Variants in TBC1D9 observed in about 807,000 individuals in gnomAD.
TBC1D9 encodes the protein TBC1 domain family member 9A.
TBC1D9 carries 63 observed loss-of-function variants against 132.0 expected under a neutral mutation model. The observed-to-expected ratio is 0.48, with a 90% CI of 0.39 to 0.59. The LOEUF (loss-of-function observed/expected upper bound fraction) is 0.59. Ranked by LOEUF, TBC1D9 falls within the 20% of genes least tolerant of loss-of-function variation. TBC1D9 has a pLI of 0.00. For synonymous variants in TBC1D9, 610 were observed against 609.9 expected, an observed-to-expected ratio of 1.00 and a Z score of 0.00; for missense variants, 1,261 against 1,592.7, an observed-to-expected ratio of 0.79 and a Z score of 3.54.
At chr4:140,691,741 C>G (rs1445401810) in intron 2 of TBC1D9, among the ~76,000 whole-genome samples, 1 of 152,236 alleles carries the variant, frequency 6.6e-6, no homozygotes, top group Non-Finnish European at 1.5e-5. Context: ...GAACAATTAT[C>G]ATTTCAAGCA....
At chr4:140,645,554 C>T (rs1737090909) in intron 13 of TBC1D9, 1 of 297,644 alleles carries the variant, frequency 3.4e-6, no homozygotes, top group African/African-American at 2.2e-5. Flanking sequence ...GCACTTCCTC[C>T]AGGCATGCAT....
intron 13 of TBC1D9, among the ~76,000 whole-genome samples, chr4:140,649,518 A>C (rs1430580): frequency 6.6e-6 from 1 of 152,066 alleles, no homozygotes; most frequent in Non-Finnish European, 1.5e-5. Context: ...TGAGAGAGGG[A>C]AGAAATTGAT....
At chr4:140,709,219 A>ATCTCTCTCTCTCTCTC (rs145661338) in intron 1 of TBC1D9, among the ~76,000 whole-genome samples, 4 of 88,166 alleles carry the variant, frequency 4.5e-5, no homozygotes, top group Admixed American at 1.4e-4. Context: ...AACCAGCCTT[A>ATCTCTCTCTCTCTCTC]TCTCTCTCTC....
intron 1 of TBC1D9, among the ~76,000 whole-genome samples, chr4:140,746,389 G>A (rs1738836233): frequency 6.6e-6 from 1 of 152,112 alleles, no homozygotes; most frequent in Non-Finnish European, 1.5e-5. Context: ...ATTTTTTGGA[G>A]TGCTTTCATT....
intron 2 of TBC1D9, among the ~76,000 whole-genome samples, chr4:140,697,969 G>C (rs1427444822): frequency 6.6e-6 from 1 of 152,160 alleles, no homozygotes; most frequent in Non-Finnish European, 1.5e-5. Context: ...TGGCACTCAT[G>C]GTGGGATTGC....
intron 1 of TBC1D9, among the ~76,000 whole-genome samples, chr4:140,722,854 A>G (rs928876233): frequency 6.6e-6 from 1 of 152,098 alleles, no homozygotes; most frequent in African/African-American, 2.4e-5. Flanking sequence ...TTCTCAGAAC[A>G]TGGATTTCAC....
intron 13 of TBC1D9, chr4:140,643,265 G>C: frequency 7.7e-7 from 1 of 1,296,802 alleles, no homozygotes; most frequent in Non-Finnish European, 1.1e-6. Flanking sequence ...CTGCGATCTC[G>C]CTCAGCAGGG....
At chr4:140,717,734 T>C (rs181200023) in intron 1 of TBC1D9, among the ~76,000 whole-genome samples, 226 of 152,282 alleles carry the variant, frequency 1.5e-3, no homozygotes, top group Non-Finnish European at 2.9e-3. Context: ...GTGAAGATTA[T>C]GTGATTGGGA....
At chr4:140,723,744 T>C (rs867077902) in intron 1 of TBC1D9, among the ~76,000 whole-genome samples, 2 of 152,176 alleles carry the variant, frequency 1.3e-5, no homozygotes, top group African/African-American at 4.8e-5. Flanking sequence ...ATATTTATTT[T>C]TAATTCATAT....
At chr4:140,643,522 C>T in intron 13 of TBC1D9, 1 of 878,328 alleles carries the variant, frequency 1.1e-6, no homozygotes, top group East Asian at 2.6e-5. Context: ...GGGCACTCTC[C>T]CTCCCCGGCG....
At position 140,634,030 on chromosome 4, in the gene TBC1D9, G is replaced by A. The variant is rs75970871; in HGVS notation, c.2664C>T (p.Asp888=). 177 of 1,613,990 alleles carry A rather than the reference G, an allele frequency of 1.1e-4. No individual in the cohort carries two copies. Among genetic ancestry groups the A allele is most frequent in the Middle Eastern group, 3.3e-4 (2 of 6,062 alleles). ...LFPWACGTHS[D]VLASRLFQLL... ...ACTGGAACAAGCGGGAGGCCAGAAC[G>A]TCAGAGTGAGTTCCACATGCCCAAG... The change falls in exon 16 of 21, where the codon GAC becomes GAT. Residue 888 remains aspartate, a synonymous_variant. Transcript: ENST00000442267.
At position 140,657,792 on chromosome 4, in the gene TBC1D9, C is replaced by T. The variant is rs1737295740; in HGVS notation, c.1942G>A (p.Val648Ile). ...RVVGALVDQG[V>I]FEELARDYVP... ...TAGTCTCGTGCTAGCTCCTCAAAGA[C>T]ACCTTGGTCCACCAGTGCACCTGTG... Residue 648 changes from valine (V) to isoleucine (I), a missense_variant, in exon 12 of 21, where the codon GTC (valine) becomes ATC (isoleucine). Around this residue, in one of 3 missense-constraint regions of TBC1D9, gnomAD observed 93 missense variants for 169.2 expected, o/e 0.55. Transcript: ENST00000442267. 6.2e-7 allele frequency: 1 copy of T among 1,612,720 alleles called. No homozygotes were observed. The highest frequency in any genetic ancestry group is 8.5e-7 in the Non-Finnish European group (1 of 1,179,314).
chr4:140,682,296 T>C (rs1484863390), intron 3 of TBC1D9, among the ~76,000 whole-genome samples: 1 of 152,088 alleles, frequency 6.6e-6, no homozygotes. Flanking sequence ...TTTTCCTCTA[T>C]TTACCACTGA....
At chr4:140,699,457 T>C (rs1373978759) in intron 2 of TBC1D9, among the ~76,000 whole-genome samples, 1 of 152,210 alleles carries the variant, frequency 6.6e-6, no homozygotes, top group Non-Finnish European at 1.5e-5. Flanking sequence ...TAAATCATGT[T>C]GATAAAATGT....
At chr4:140,624,001 A>G in intron 20 of TBC1D9, 115 bp downstream of exon 20, 1 of 725,892 alleles carries the variant, frequency 1.4e-6, no homozygotes, top group Admixed American at 3.9e-5. Context: ...TACTAAGTAA[A>G]GGCCCCAGTT....
chr4:140,650,611 C>T (rs1031481095), intron 13 of TBC1D9, among the ~76,000 whole-genome samples: 3 of 152,218 alleles, frequency 2.0e-5, no homozygotes, highest in East Asian at 1.9e-4. Flanking sequence ...TGGCTCACTG[C>T]AATCTCCGCC....
intron 13 of TBC1D9, chr4:140,644,471 A>G (rs1013518458): frequency 2.5e-4 from 76 of 302,170 alleles, no homozygotes; most frequent in African/African-American, 1.7e-3. Context: ...CCGCCTTGCC[A>G]TAGATGCTCG....
At chr4:140,624,425 T>A (rs1330806841) in intron 18 of TBC1D9, 37 bp from the exon 19 acceptor site, 2 of 1,561,494 alleles carry the variant, frequency 1.3e-6, no homozygotes, top group Non-Finnish European at 1.8e-6. Flanking sequence ...AAGTAGAATG[T>A]TATATAATAT....
At chr4:140,635,813 C>T (rs953875475) in intron 15 of TBC1D9, among the ~76,000 whole-genome samples, 1 of 152,060 alleles carries the variant, frequency 6.6e-6, no homozygotes, top group Non-Finnish European at 1.5e-5. Flanking sequence ...ATTCCTGGGA[C>T]TGCATTCCTG....
Sources: allele counts gnomAD v4.1 joint callset (sites outside exome capture counted in the v4.1 genomes callset), GRCh38; gene constraint gnomAD v4.1.1; regional missense constraint gnomAD v4.1.1; transcripts MANE v1.5; gene names NCBI Gene and HGNC (gene_info 2026-07-23, HGNC 2026-07-21).